Variants in PDE4D observed in about 807,000 individuals in gnomAD.
The protein encoded by PDE4D is 3',5'-cyclic-AMP phosphodiesterase 4D.
A neutral mutation model predicts 87.4 loss-of-function variants in PDE4D; 24 were observed. The observed-to-expected ratio is 0.27, with a 90% confidence interval of 0.20 to 0.39. The LOEUF (loss-of-function observed/expected upper bound fraction) is 0.39. Ranked by LOEUF, PDE4D falls within the 10% of genes least tolerant of loss-of-function variation. The pLI, the probability that PDE4D is intolerant of heterozygous loss-of-function variation, is 1.00. For synonymous variants in PDE4D, 384 were observed against 383.2 expected, an observed-to-expected ratio of 1.00 and a Z score of -0.02; for missense variants, 714 against 1,041.0, an observed-to-expected ratio of 0.69 and a Z score of 4.32.
intron 1 of PDE4D, among the ~76,000 whole-genome samples, chr5:59,436,787 A>G (rs1796858626): frequency 6.6e-6 from 1 of 152,174 alleles, no homozygotes; most frequent in Non-Finnish European, 1.5e-5. Flanking sequence ...CTCTCAAAAT[A>G]TTATTTTACT....
chr5:59,274,737 T>C (rs1764485466), intron 1 of PDE4D, among the ~76,000 whole-genome samples: 1 of 152,064 alleles, frequency 6.6e-6, no homozygotes, highest in South Asian at 2.1e-4. Context: ...TTAGAATACA[T>C]TGAAACTGAC....
intron 2 of PDE4D, among the ~76,000 whole-genome samples, chr5:60,054,394 A>T (rs1391776283): frequency 6.6e-6 from 1 of 152,192 alleles, no homozygotes; most frequent in Non-Finnish European, 1.5e-5. Flanking sequence ...ACATGGATGA[A>T]GCTGGAAACC....
chr5:59,825,408 T>C (rs1036228419), intron 1 of PDE4D, among the ~76,000 whole-genome samples: 1 of 152,118 alleles, frequency 6.6e-6, no homozygotes, highest in Non-Finnish European at 1.5e-5. Flanking sequence ...GCCTTGTTGG[T>C]GGTGGCACTG....
chr5:59,345,280 G>A lies in PDE4D; in HGVS notation c.456-129312C>T, dbSNP rs146807574. ...ACATATTTTCCAAGAAATAATGTAC[G>A]GGAAGGAAAACCTGATTTAAAGTGA... On this transcript the variant is annotated intron_variant, in intron 1 of 14. Coordinates refer to ENST00000340635, the MANE Select transcript of PDE4D (RefSeq NM_001104631.2). 1.7e-3 allele frequency among the ~76,000 whole-genome samples: 263 copies of A among 152,176 alleles called. 1 individual carries two copies. The highest frequency in any genetic ancestry group is 5.8e-3 in the African/African-American group (240 of 41,530).
chr5:59,043,865 T>C (rs1269496142), intron 5 of PDE4D, among the ~76,000 whole-genome samples: 1 of 152,210 alleles, frequency 6.6e-6, no homozygotes, highest in African/African-American at 2.4e-5. Context: ...TTCATCCATG[T>C]TCCTACAAAG....
chr5:60,238,848 T>C (rs1178889522), intron 1 of PDE4D, among the ~76,000 whole-genome samples: 1 of 152,084 alleles, frequency 6.6e-6, no homozygotes, highest in Non-Finnish European at 1.5e-5. Flanking sequence ...TTTTAATATA[T>C]TCAACCTATT....
chr5:59,609,106 G>A (rs1466685184), intron 1 of PDE4D, among the ~76,000 whole-genome samples: 2 of 152,040 alleles, frequency 1.3e-5, no homozygotes, highest in Non-Finnish European at 2.9e-5. Flanking sequence ...GAGAAATACT[G>A]AGCAATTTAC....
intron 2 of PDE4D, among the ~76,000 whole-genome samples, chr5:59,997,453 C>A (rs972903122): frequency 6.6e-6 from 1 of 152,036 alleles, no homozygotes; most frequent in African/African-American, 2.4e-5. Context: ...CAATACCAAT[C>A]AAAACTATGT....
intron 1 of PDE4D, among the ~76,000 whole-genome samples, chr5:59,652,970 T>C (rs76077797): frequency 0.014 from 2,171 of 152,224 alleles, 57 homozygotes; most frequent in African/African-American, 0.048. Context: ...CTTATCCAAC[T>C]GTTTGGTTAT....
rs541966389 is a variant in PDE4D at position 59,038,787 on chromosome 5, T to C, written c.921+72A>G. The C allele has an allele frequency of 7.3e-5, 97 of 1,329,602 alleles. 1 individual carries two copies. The Middle Eastern group carries it at 1.3e-3, about 18-fold the overall frequency. 82.4% of individuals were successfully genotyped at this position (1,329,602 alleles called of 1,614,324 possible). On this transcript the variant is annotated intron_variant, in intron 6 of 14. Transcript: ENST00000340635. ...CCTCTCAATTTATTTCCCGGGGCTA[T>C]GGGTACCAGTGGCTCGCCGGCATGG...
At chr5:60,167,603 A>T (rs1159280612) in intron 2 of PDE4D, among the ~76,000 whole-genome samples, 1 of 151,808 alleles carries the variant, frequency 6.6e-6, no homozygotes, top group Non-Finnish European at 1.5e-5. Context: ...TGTTGATGCT[A>T]TTTCATTTTC....
intron 1 of PDE4D, among the ~76,000 whole-genome samples, chr5:60,399,885 G>A (rs1197375477): frequency 6.6e-6 from 1 of 152,342 alleles, no homozygotes; most frequent in African/African-American, 2.4e-5. Context: ...AGATAACCTG[G>A]TATCTCTCAA....
At chr5:59,948,128 A>G (rs1026429028) in intron 3 of PDE4D, among the ~76,000 whole-genome samples, 4 of 152,238 alleles carry the variant, frequency 2.6e-5, no homozygotes, top group Non-Finnish European at 5.9e-5. Flanking sequence ...AGTGTAGTTA[A>G]TAGTGCCACT....
chr5:59,670,436 C>T (rs1295610078), intron 1 of PDE4D, among the ~76,000 whole-genome samples: 4 of 152,162 alleles, frequency 2.6e-5, no homozygotes, highest in Non-Finnish European at 5.9e-5. Context: ...TGTGACAAGT[C>T]ATAGTCAAAA....
intron 3 of PDE4D, among the ~76,000 whole-genome samples, chr5:59,918,283 T>A (rs1754293845): frequency 6.6e-6 from 1 of 152,210 alleles, no homozygotes; most frequent in Non-Finnish European, 1.5e-5. Context: ...GGCACCTGTT[T>A]GTGCAATAGT....
chr5:60,159,304 A>G (rs1246512559), intron 2 of PDE4D, among the ~76,000 whole-genome samples: 1 of 152,120 alleles, frequency 6.6e-6, no homozygotes, highest in Admixed American at 6.5e-5. Flanking sequence ...AAGTTGTTTT[A>G]TGGTTAACTT....
chr5:59,199,018 G>A (rs1746119195), intron 2 of PDE4D, among the ~76,000 whole-genome samples: 1 of 152,116 alleles, frequency 6.6e-6, no homozygotes, highest in African/African-American at 2.4e-5. Context: ...ACACTAGGTG[G>A]CAATCTTTAT....
At chr5:59,585,403 C>G (rs1397125234) in intron 1 of PDE4D, among the ~76,000 whole-genome samples, 1 of 152,144 alleles carries the variant, frequency 6.6e-6, no homozygotes, top group East Asian at 1.9e-4. Context: ...ATCCAGAGTC[C>G]AGCCAGAACA....
At position 59,927,058 on chromosome 5, in the gene PDE4D, C is replaced by T. The variant is rs186816063; in HGVS notation, c.272+61430G>A. ...TGGAAAAAGGAGAGTTTGTCTTCAG[C>T]TTACATAGACCAAAACACATGAACT... On this transcript the variant is annotated intron_variant, in intron 3 of 16. Transcript: ENST00000502484. 2.0e-5 allele frequency among the ~76,000 whole-genome samples: 3 copies of T among 152,242 alleles called. No individual in the cohort carries two copies. In the East Asian group the frequency reaches 5.8e-4, roughly 29 times the overall value.
Sources: allele counts gnomAD v4.1 joint callset (sites outside exome capture counted in the v4.1 genomes callset), GRCh38; gene constraint gnomAD v4.1.1; transcripts MANE v1.5; gene names NCBI Gene and HGNC (gene_info 2026-07-23, HGNC 2026-07-21).